Variants in TNRC6C observed in about 807,000 individuals in gnomAD.
TNRC6C encodes the protein trinucleotide repeat containing adaptor 6C.
In TNRC6C, 20 loss-of-function variants were observed where a neutral mutation model predicts 153.7. The ratio of observed to expected loss-of-function variants is 0.13; its 90% CI spans 0.09 to 0.19. The LOEUF is 0.19. Ranked by LOEUF, TNRC6C falls within the 10% of genes least tolerant of loss-of-function variation. The pLI is 1.00. For synonymous variants in TNRC6C, 811 were observed against 841.4 expected (o/e 0.96, Z 0.63); for missense variants, 1,987 against 2,172.0 (o/e 0.91, Z 1.69).
chr17:78,106,072 G>A (rs950124291), exon 20 of TNRC6C: 6 of 150,568 alleles, frequency 4.0e-5, no homozygotes, highest in African/African-American at 1.5e-4. Flanking sequence ...AAAAAAAACT[G>A]TTGTTGAACT....
chr17:78,091,461 A>G (rs779783919), exon 14 of TNRC6C: 1 of 1,598,118 alleles, frequency 6.3e-7, no homozygotes, highest in African/African-American at 1.4e-5. Flanking sequence ...CCAAACATGA[A>G]TGTCAACAGC....
chr17:78,098,120 A>G (rs1283260716), intron 16 of TNRC6C, among the ~76,000 whole-genome samples: 1 of 152,164 alleles, frequency 6.6e-6, no homozygotes, highest in Non-Finnish European at 1.5e-5. Flanking sequence ...CCTTTCCCCC[A>G]TGGCCACAAG....
chr17:78,104,058 C>G lies in TNRC6C; in HGVS notation c.4713-427C>G, dbSNP rs1353280535. ...GCTGAGTTGCTGTGTCTACTCCCTC[C>G]CTGTGACACATTCCTACACAGGGCC... On this transcript the variant is annotated intron_variant, in intron 19 of 19. Coordinates refer to ENST00000301624, the Ensembl canonical transcript of TNRC6C. This position sits in a 1 kb window ranked among gnomAD's most constrained non-coding sequence, Gnocchi z 6.2. Among the ~76,000 whole-genome samples, 2 of 152,152 alleles carry G rather than the reference C, an allele frequency of 1.3e-5. No individual in the cohort carries two copies. Among genetic ancestry groups the G allele is most frequent in the Non-Finnish European group, 2.9e-5 (2 of 68,032 alleles).
chr17:78,070,972 A>G lies in TNRC6C; in HGVS notation c.2779-113A>G. 2.8e-6 allele frequency: 3 copies of G among 1,064,226 alleles called. No individual in the cohort carries two copies. The East Asian group carries it at 7.8e-5, about 28-fold the overall frequency. The allele number at this position is 1,064,226 out of a possible 1,614,324, so 65.9% of individuals were successfully genotyped here. ...ATACAGCATTATTCAATGTTAATACAAAAAGATCCTGTGACTTTTAAATGA... is the reference window on the plus strand; with the variant it reads ...ATACAGCATTATTCAATGTTAATACGAAAAGATCCTGTGACTTTTAAATGA... On this transcript the variant is annotated intron_variant, in intron 5 of 19. Transcript: ENST00000301624.
rs564556389 is a variant in TNRC6C at position 77,988,614 on chromosome 17, T to C, written c.-37-15556T>C. 8.5e-5 allele frequency among the ~76,000 whole-genome samples: 13 copies of C among 152,350 alleles called. No individual in the cohort carries two copies. In the South Asian group the frequency reaches 2.5e-3, roughly 29 times the overall value. On this transcript the variant is annotated intron_variant, in intron 1 of 22. Transcript: ENST00000636222. Reference sequence around the variant, plus strand: ...AATTAGCATTTTTACCACCAGGGGCTATTATTTGTATTTCAAACAGTTTTT... The same window carrying C: ...AATTAGCATTTTTACCACCAGGGGCCATTATTTGTATTTCAAACAGTTTTT...
chr17:77,993,005 G>A (rs757412665), intron 1 of TNRC6C, among the ~76,000 whole-genome samples: 2 of 151,814 alleles, frequency 1.3e-5, no homozygotes, highest in African/African-American at 2.4e-5. Context: ...TCACTCTGTT[G>A]CCCAGGCTGG....
intron 17 of TNRC6C, among the ~76,000 whole-genome samples, chr17:78,101,056 G>C (rs189633659): frequency 6.6e-6 from 1 of 152,104 alleles, no homozygotes; most frequent in African/African-American, 2.4e-5. Context: ...GATTACAGGC[G>C]TGAGCCACCG....
chr17:78,098,383 T>A (rs374490552), exon 17 of TNRC6C: 3 of 1,613,834 alleles, frequency 1.9e-6, no homozygotes, highest in South Asian at 1.1e-5. Flanking sequence ...CCTCTGGCCC[T>A]ACCTCCCACA....
upstream of TNRC6C, among the ~76,000 whole-genome samples, chr17:77,958,441 G>C (rs917911926): frequency 6.6e-6 from 1 of 152,092 alleles, no homozygotes; most frequent in Non-Finnish European, 1.5e-5. Context: ...TCCCCGCGCG[G>C]TGCAGGGAAC....
chr17:78,027,056 G>A (rs2071955678), intron 1 of TNRC6C, among the ~76,000 whole-genome samples: 1 of 152,136 alleles, frequency 6.6e-6, no homozygotes, highest in African/African-American at 2.4e-5. Context: ...AGCCATAAAA[G>A]AACAGGAAAC....
chr17:78,061,201 A>C (rs2072761367), intron 3 of TNRC6C, among the ~76,000 whole-genome samples: 1 of 152,212 alleles, frequency 6.6e-6, no homozygotes, highest in Non-Finnish European at 1.5e-5. Context: ...TCATTTTTAA[A>C]AGTTTAATAT....
At chr17:77,961,181 G>A (rs1400478843) in intron 1 of TNRC6C, among the ~76,000 whole-genome samples, 2 of 146,396 alleles carry the variant, frequency 1.4e-5, no homozygotes. Flanking sequence ...TTTTGAGACA[G>A]TTTCGTTCTT....
chr17:78,003,075 G>A (rs2071436857), upstream of TNRC6C, among the ~76,000 whole-genome samples: 1 of 152,202 alleles, frequency 6.6e-6, no homozygotes, highest in Admixed American at 6.5e-5. Context: ...GCAATTCTGG[G>A]TGGTTAGGGT....
At chr17:78,106,572 AGG>A (rs2073700746) in exon 20 of TNRC6C, 1 of 151,336 alleles carries the variant, frequency 6.6e-6, no homozygotes, top group Non-Finnish European at 1.5e-5. Context: ...AAAGAAAAAG[AGG>A]AAAAAAAAAC....
intron 1 of TNRC6C, among the ~76,000 whole-genome samples, chr17:78,010,479 T>G (rs542845873): frequency 3.9e-5 from 6 of 152,164 alleles, no homozygotes; most frequent in Non-Finnish European, 7.3e-5. Context: ...TCTTCCCAAT[T>G]TTATAGTCAC....
intron 13 of TNRC6C, among the ~76,000 whole-genome samples, chr17:78,087,573 T>C (rs188749260): frequency 2.2e-4 from 33 of 152,360 alleles, no homozygotes; most frequent in African/African-American, 7.7e-4. Context: ...AAGTTTGTTC[T>C]GTTCCTAGTC....
intron 1 of TNRC6C, among the ~76,000 whole-genome samples, chr17:78,027,692 C>T (rs903239934): frequency 5.3e-5 from 8 of 152,078 alleles, no homozygotes; most frequent in Non-Finnish European, 8.8e-5. Context: ...TGAGACATAT[C>T]GGTATTGCAC....
chr17:78,050,286 A>G (rs142685898), exon 3 of TNRC6C: 557 of 1,552,212 alleles, frequency 3.6e-4, no homozygotes, highest in Non-Finnish European at 4.0e-4. Context: ...ACCACAATGA[A>G]GGAAGCACTG....
intron 1 of TNRC6C, among the ~76,000 whole-genome samples, chr17:77,968,523 G>T (rs1567893575): frequency 6.6e-6 from 1 of 151,224 alleles, no homozygotes; most frequent in Non-Finnish European, 1.5e-5. Flanking sequence ...TGTATTTTTA[G>T]TAGAGACAGG....
Sources: gnomAD v4.1 joint callset for allele counts (sites outside exome capture counted in the v4.1 genomes callset) on GRCh38, gnomAD v4.1.1 for gene constraint, Gnocchi (gnomAD v3.1) non-coding constraint, MANE v1.5 for transcripts, NCBI Gene and HGNC (gene_info 2026-07-23, HGNC 2026-07-21) for gene names.